C13orf46: variants seen among roughly 807,000 people sequenced by gnomAD.
C13orf46 encodes the protein chromosome 13 open reading frame 46.
downstream of C13orf46, among the ~76,000 whole-genome samples, chr13:113,951,242 T>A (rs1250882138): frequency 6.6e-6 from 1 of 152,046 alleles, no homozygotes; most frequent in African/African-American, 2.4e-5. Context: ...CTCGGGTGTC[T>A]GTGGTTTCCA....
At chr13:113,951,392 G>T (rs1043191826), downstream of C13orf46, among the ~76,000 whole-genome samples, 1 of 152,180 alleles carries the variant, frequency 6.6e-6, no homozygotes, top group African/African-American at 2.4e-5. Flanking sequence ...GGAGGCGCCC[G>T]ACGTCCCTTC....
chr13:113,963,685 CCT>C (rs1307493578), intron 6 of C13orf46, among the ~76,000 whole-genome samples: 1 of 152,158 alleles, frequency 6.6e-6, no homozygotes. Context: ...AGCCACGGCC[CCT>C]GTCCTCAGCC....
chr13:113,962,942 G>A (rs995134597), intron 6 of C13orf46, among the ~76,000 whole-genome samples: 1 of 152,212 alleles, frequency 6.6e-6, no homozygotes, highest in Non-Finnish European at 1.5e-5. Flanking sequence ...GGAGTCAAAA[G>A]AGGCAGAGAC....
At chr13:113,973,557 G>C (rs1398612499) in intron 1 of C13orf46, among the ~76,000 whole-genome samples, 1 of 152,150 alleles carries the variant, frequency 6.6e-6, no homozygotes, top group East Asian at 1.9e-4. Flanking sequence ...TCCCTTTCCG[G>C]ACAGAACCGA....
At chr13:113,936,690 G>A in the C13orf46 span, among the ~76,000 whole-genome samples, 2 of 151,610 alleles carry the variant, frequency 1.3e-5, no homozygotes, top group East Asian at 3.9e-4. Context: ...AGAGAGTCGG[G>A]TGGGTAGGCA....
intron 1 of C13orf46, among the ~76,000 whole-genome samples, chr13:113,971,406 G>T (rs1420862423): frequency 3.9e-5 from 6 of 152,216 alleles, no homozygotes; most frequent in Non-Finnish European, 8.8e-5. Context: ...ACGAGGGGCT[G>T]CCCCCAACAG....
chr13:113,952,199 C>T (rs1410267700), downstream of C13orf46, among the ~76,000 whole-genome samples: 9 of 152,278 alleles, frequency 5.9e-5, no homozygotes, highest in South Asian at 6.2e-4. Context: ...GTTTGGAGCC[C>T]GGCAGGGACA....
chr13:113,953,077 G>A (rs1014644224), downstream of C13orf46, among the ~76,000 whole-genome samples: 8 of 152,220 alleles, frequency 5.3e-5, no homozygotes, highest in Non-Finnish European at 1.0e-4. Flanking sequence ...GCTGACTGCC[G>A]CTGCCAGGAC....
At chr13:113,969,735 C>T (rs1461247365) in intron 2 of C13orf46, among the ~76,000 whole-genome samples, 13 of 152,182 alleles carry the variant, frequency 8.5e-5, no homozygotes, top group African/African-American at 2.9e-4. Context: ...GGCAAGAACT[C>T]GGCAGTACGA....
At chr13:113,960,375 G>T (rs992536816) in intron 6 of C13orf46, among the ~76,000 whole-genome samples, 13 of 152,188 alleles carry the variant, frequency 8.5e-5, no homozygotes, top group African/African-American at 3.1e-4. Context: ...ATTGCAAGAG[G>T]TTTTGATTTT....
the C13orf46 span, among the ~76,000 whole-genome samples, chr13:113,936,138 C>T: frequency 0.1 from 15,455 of 152,086 alleles, 2,328 homozygotes; most frequent in African/African-American, 0.33. Flanking sequence ...ACTCAGGAGT[C>T]AATTGAGTCA....
intron 4 of C13orf46, among the ~76,000 whole-genome samples, 183 bp from the exon 5 acceptor site, chr13:113,967,571 C>T (rs1436011120): frequency 3.9e-5 from 6 of 152,272 alleles, no homozygotes; most frequent in African/African-American, 1.4e-4. Flanking sequence ...CTGGGCAGAG[C>T]TGACGGCAGT....
At chr13:113,945,632 G>GAA in the C13orf46 span, among the ~76,000 whole-genome samples, 2 of 133,152 alleles carry the variant, frequency 1.5e-5, no homozygotes, top group Non-Finnish European at 3.3e-5. Flanking sequence ...AAGAAAGAAA[G>GAA]AAAGAAAGAA....
At chr13:113,973,268 G>A (rs369052970) in intron 1 of C13orf46, among the ~76,000 whole-genome samples, 35 of 152,282 alleles carry the variant, frequency 2.3e-4, no homozygotes, top group African/African-American at 6.7e-4. Flanking sequence ...GGAGTTTCAC[G>A]CTGGGAATGC....
the C13orf46 span, among the ~76,000 whole-genome samples, chr13:113,935,383 G>T: frequency 6.6e-6 from 1 of 152,384 alleles, no homozygotes; most frequent in South Asian, 2.1e-4. Context: ...TATTAACCAA[G>T]AAATGCTTGG....
chr13:113,972,904 C>A (rs980507553), intron 1 of C13orf46, among the ~76,000 whole-genome samples: 2 of 152,226 alleles, frequency 1.3e-5, no homozygotes, highest in Non-Finnish European at 2.9e-5. Flanking sequence ...CTGTGCCCGG[C>A]TGGAGCCCCC....
chr13:113,945,640 GAAA>G, the C13orf46 span, among the ~76,000 whole-genome samples: 1 of 136,384 alleles, frequency 7.3e-6, no homozygotes, highest in African/African-American at 2.7e-5. Flanking sequence ...AAGAAAGAAA[GAAA>G]GAAAGAAAGA....
chr13:113,935,012 C>A, the C13orf46 span, among the ~76,000 whole-genome samples: 32 of 152,348 alleles, frequency 2.1e-4, no homozygotes, highest in Middle Eastern at 3.4e-3. Context: ...GGCCTTCTTC[C>A]CTTCCATTCC....
chr13:113,941,992 G>T, the C13orf46 span, among the ~76,000 whole-genome samples: 2 of 152,228 alleles, frequency 1.3e-5, no homozygotes, highest in Non-Finnish European at 2.9e-5. Context: ...AAGTCCTGTG[G>T]AGCCCAGAGC....
Sources: gnomAD v4.1 joint callset for allele counts (sites outside exome capture counted in the v4.1 genomes callset) on GRCh38, gnomAD v4.1.1 for gene constraint, MANE v1.5 for transcripts, NCBI Gene and HGNC (gene_info 2026-07-23, HGNC 2026-07-21) for gene names.